The following MBD5 variants were observed in gnomAD, a reference collection of about 807,000 sequenced individuals.
The protein encoded by MBD5 is methyl-CpG-binding domain protein 5.
MBD5 carries 13 observed loss-of-function variants against 117.3 expected under a neutral mutation model. The ratio of observed to expected loss-of-function variants is 0.11; its 90% CI spans 0.07 to 0.18. The LOEUF is 0.18. Among genes scored for constraint, MBD5 ranks in the 10% least tolerant of loss-of-function variants. The probability of loss-of-function intolerance (pLI) is 1.00; values close to 1 mark genes in which losing one functional copy is unlikely to be tolerated. For synonymous variants in MBD5, 727 were observed against 766.4 expected (o/e 0.95, Z 0.85); for missense variants, 1,879 against 2,093.8 (o/e 0.90, Z 2.00).
chr2:148,138,519 G>A (rs1034016367), intron 1 of MBD5, among the ~76,000 whole-genome samples: 1 of 152,168 alleles, frequency 6.6e-6, no homozygotes, highest in Admixed American at 6.5e-5. Flanking sequence ...ACTTATACTT[G>A]TATAGAAGAA....
intron 3 of MBD5, among the ~76,000 whole-genome samples, chr2:148,300,804 G>C (rs1701763054): frequency 6.6e-6 from 1 of 152,198 alleles, no homozygotes; most frequent in Admixed American, 6.5e-5. Context: ...TGAAAAAAAT[G>C]TAGACTACAG....
chr2:148,443,008 A>G (rs1004681766), intron 4 of MBD5, among the ~76,000 whole-genome samples: 1 of 151,454 alleles, frequency 6.6e-6, no homozygotes, highest in Non-Finnish European at 1.5e-5. Context: ...GACAGGGATC[A>G]ATAACCAGAA....
intron 4 of MBD5, among the ~76,000 whole-genome samples, chr2:148,412,288 G>C (rs1705279414): frequency 6.6e-6 from 1 of 151,322 alleles, no homozygotes; most frequent in African/African-American, 2.4e-5. Context: ...GTGTGTGTGT[G>C]TGTGTGTGTG....
chr2:148,515,949 A>C lies in MBD5; in HGVS notation c.*3008A>C, dbSNP rs749703223. 6.6e-6 allele frequency: 1 copy of C among 152,184 alleles called. No homozygotes were observed. The highest frequency in any genetic ancestry group is 2.4e-5 in the African/African-American group (1 of 41,448). 9.4% of individuals were successfully genotyped at this position (152,184 alleles called of 1,614,324 possible). Reference sequence around the variant, plus strand: ...GGAACATTTTTGGCTTGTACTTTTCAGTGCCATTATGAATGAAAATGTTTT... The same window carrying C: ...GGAACATTTTTGGCTTGTACTTTTCCGTGCCATTATGAATGAAAATGTTTT... On this transcript the variant is annotated 3_prime_UTR_variant, in exon 14 of 14. Coordinates refer to ENST00000642680, the MANE Select transcript of MBD5 (RefSeq NM_001378120.1).
intron 2 of MBD5, among the ~76,000 whole-genome samples, chr2:148,223,698 A>G (rs1339132813): frequency 6.6e-6 from 1 of 152,016 alleles, no homozygotes; most frequent in African/African-American, 2.4e-5. Flanking sequence ...AACTTTTCAA[A>G]AAACTAACTT....
chr2:148,272,338 G>A (rs1031549646), intron 3 of MBD5, among the ~76,000 whole-genome samples: 3 of 152,140 alleles, frequency 2.0e-5, no homozygotes, highest in African/African-American at 7.2e-5. Context: ...CTGTTTTTAA[G>A]TTTTTTGAGG....
intron 3 of MBD5, among the ~76,000 whole-genome samples, chr2:148,302,867 G>T (rs906496952): frequency 6.6e-6 from 1 of 151,072 alleles, no homozygotes; most frequent in African/African-American, 2.4e-5. Context: ...TTGAAAGCAC[G>T]GTTGCTTTCA....
At chr2:148,325,318 A>C (rs373846341) in intron 3 of MBD5, among the ~76,000 whole-genome samples, 1 of 152,272 alleles carries the variant, frequency 6.6e-6, no homozygotes, top group African/African-American at 2.4e-5. Flanking sequence ...TGTCTCTGCC[A>C]GGCTTTGGTA....
chr2:148,458,983 T>C (rs1706972401), intron 5 of MBD5, 112 bp downstream of exon 5: 5 of 872,890 alleles, frequency 5.7e-6, no homozygotes, highest in African/African-American at 1.6e-5. Flanking sequence ...AAGTGACCTT[T>C]GTGCTAGAAA....
chr2:148,302,190 A>G (rs542202043), intron 3 of MBD5, among the ~76,000 whole-genome samples: 4 of 152,340 alleles, frequency 2.6e-5, no homozygotes, highest in African/African-American at 9.6e-5. Flanking sequence ...TTTGAAAAAA[A>G]TCCTCTTGCT....
At chr2:148,316,453 A>G (rs1377864300) in intron 3 of MBD5, among the ~76,000 whole-genome samples, 2 of 152,190 alleles carry the variant, frequency 1.3e-5, no homozygotes, top group African/African-American at 2.4e-5. Context: ...CTTATTTATT[A>G]TATGCAATCT....
At position 148,458,203 on chromosome 2, in the gene MBD5, G is replaced by C; in HGVS notation, c.-556G>C. 1 of 401,448 alleles carries C rather than the reference G, an allele frequency of 2.5e-6. No homozygotes were observed. The allele number at this position is 401,448 out of a possible 1,614,324, so 24.9% of individuals were successfully genotyped here. ...GTTCACATATTTACATATGTTTCAG[G>C]CTACATTATTGGAATTTTGAAGTCA... is the stretch of plus-strand genomic sequence containing the variant. On this transcript the variant is annotated splice_region_variant and 5_prime_UTR_variant, in exon 5 of 14. Coordinates refer to ENST00000642680, the MANE Select transcript of MBD5 (RefSeq NM_001378120.1).
chr2:148,216,028 T>C (rs1699546510), intron 2 of MBD5, among the ~76,000 whole-genome samples: 1 of 152,234 alleles, frequency 6.6e-6, no homozygotes, highest in South Asian at 2.1e-4. Context: ...TTAAATTTCT[T>C]AAGATTACAA....
chr2:148,309,314 T>C (rs1229365585), intron 3 of MBD5, among the ~76,000 whole-genome samples: 1 of 152,218 alleles, frequency 6.6e-6, no homozygotes, highest in East Asian at 1.9e-4. Context: ...TTTGCTTGTC[T>C]CCTCTTTTAT....
intron 1 of MBD5, among the ~76,000 whole-genome samples, chr2:148,113,434 A>G (rs971866154): frequency 1.3e-5 from 2 of 152,190 alleles, no homozygotes; most frequent in African/African-American, 2.4e-5. Flanking sequence ...ACAGATTCCA[A>G]TCTTGCTCAC....
At chr2:148,256,069 T>G (rs1347534861) in intron 3 of MBD5, among the ~76,000 whole-genome samples, 2 of 152,254 alleles carry the variant, frequency 1.3e-5, no homozygotes, top group Non-Finnish European at 2.9e-5. Flanking sequence ...CCCTTGTGAC[T>G]TTGGCAGCGG....
At chr2:148,073,321 C>A (rs1310852789) in intron 1 of MBD5, among the ~76,000 whole-genome samples, 1 of 151,978 alleles carries the variant, frequency 6.6e-6, no homozygotes, top group African/African-American at 2.4e-5. Flanking sequence ...AACATTTTCT[C>A]CTGATGTACA....
At chr2:148,256,326 T>C (rs1481444526) in intron 3 of MBD5, among the ~76,000 whole-genome samples, 1 of 152,252 alleles carries the variant, frequency 6.6e-6, no homozygotes, top group Non-Finnish European at 1.5e-5. Context: ...AGGTGCCGAC[T>C]CTAACCATTG....
chr2:148,357,351 A>G (rs1703407847), intron 4 of MBD5, among the ~76,000 whole-genome samples: 1 of 152,154 alleles, frequency 6.6e-6, no homozygotes, highest in African/African-American at 2.4e-5. Context: ...GGGACTCTAG[A>G]TTACAAATCT....
Sources: allele counts gnomAD v4.1 joint callset (sites outside exome capture counted in the v4.1 genomes callset), GRCh38; gene constraint gnomAD v4.1.1; transcripts MANE v1.5; gene names NCBI Gene and HGNC (gene_info 2026-07-23, HGNC 2026-07-21).